OSBPL1A: variants seen among roughly 807,000 people sequenced by gnomAD.
OSBPL1A encodes the protein oxysterol-binding protein-related protein 1.
A neutral mutation model predicts 137.1 loss-of-function variants in OSBPL1A; 80 were observed. The ratio of observed to expected loss-of-function variants is 0.58; its 90% CI spans 0.49 to 0.70. The LOEUF (loss-of-function observed/expected upper bound fraction) is 0.70, where lower values mean the gene tolerates loss of function less well. OSBPL1A is among the 30% of genes least tolerant of loss of function. The pLI is 0.00. For missense variants in OSBPL1A, 970 were observed against 1,129.4 expected (o/e 0.86, Z 2.02); for synonymous variants, 365 against 389.7 (o/e 0.94, Z 0.75).
chr18:24,331,545 C>T lies in OSBPL1A; in HGVS notation c.625+1397G>A, dbSNP rs576269376. Among the ~76,000 whole-genome samples, 817 of 150,594 alleles carry T rather than the reference C, an allele frequency of 5.4e-3. 6 individuals carry two copies. Among genetic ancestry groups the T allele is most frequent in the Non-Finnish European group, 8.0e-3 (539 of 67,468 alleles). On this transcript the variant is annotated intron_variant, in intron 7 of 27. Coordinates refer to ENST00000319481, the MANE Select transcript of OSBPL1A (RefSeq NM_080597.4). Reference sequence around the variant, plus strand: ...CCGAGTAGCTGGGACTACAGGCGCCCGCCACCACGCCCGGCTAATTTTTTG... The same window carrying T: ...CCGAGTAGCTGGGACTACAGGCGCCTGCCACCACGCCCGGCTAATTTTTTG...
chr18:24,259,943 G>C, intron 15 of OSBPL1A, among the ~76,000 whole-genome samples: 1 of 152,264 alleles, frequency 6.6e-6, no homozygotes, highest in East Asian at 1.9e-4. Flanking sequence ...CAAGGGTCTA[G>C]TATCTACAAT....
chr18:24,226,785 G>A (rs762479245), intron 16 of OSBPL1A, among the ~76,000 whole-genome samples: 8 of 152,036 alleles, frequency 5.3e-5, no homozygotes, highest in Non-Finnish European at 8.8e-5. Context: ...CTGCAGAAAG[G>A]CTTTTAATGT....
intron 14 of OSBPL1A, among the ~76,000 whole-genome samples, chr18:24,283,327 GACACAC>G: frequency 1.0e-5 from 1 of 99,996 alleles, no homozygotes; most frequent in East Asian, 2.4e-4. Flanking sequence ...CACACACACA[GACACAC>G]ACACACACAC....
intron 13 of OSBPL1A, chr18:24,311,402 G>A (rs915272298): frequency 1.1e-6 from 1 of 895,956 alleles, no homozygotes; most frequent in Non-Finnish European, 1.3e-6. Flanking sequence ...GAAATAAAAG[G>A]TACAGCCAGA....
chr18:24,268,951 CTACCT>C (rs1409932561), intron 15 of OSBPL1A, among the ~76,000 whole-genome samples: 1 of 152,192 alleles, frequency 6.6e-6, no homozygotes, highest in Non-Finnish European at 1.5e-5. Flanking sequence ...CCTCAATTCC[CTACCT>C]TAATCACCTC....
At chr18:24,328,962 A>T (rs1012912325) in intron 7 of OSBPL1A, among the ~76,000 whole-genome samples, 1 of 152,226 alleles carries the variant, frequency 6.6e-6, no homozygotes, top group East Asian at 1.9e-4. Context: ...CTAGAAATTT[A>T]AAATTACATA....
rs140945077 is a variant in OSBPL1A at position 24,183,091 on chromosome 18, G to A, written c.1678-1812C>T. On this transcript the variant is annotated intron_variant, in intron 18 of 27. Transcript: ENST00000319481. ...TCACCATGTTGGTCAGGCTGGTCTCGAACTCCTGACCTCAAGGGATCCGAT... is the reference window on the plus strand; with the variant it reads ...TCACCATGTTGGTCAGGCTGGTCTCAAACTCCTGACCTCAAGGGATCCGAT... Among the ~76,000 whole-genome samples the A allele has an allele frequency of 4.7e-3, 715 of 151,910 alleles. 8 individuals carry two copies. The highest frequency in any genetic ancestry group is 0.015 in the African/African-American group (632 of 41,438).
chr18:24,173,148 C>T (rs990548438), intron 21 of OSBPL1A, among the ~76,000 whole-genome samples: 54 of 152,104 alleles, frequency 3.6e-4, no homozygotes, highest in African/African-American at 1.3e-3. Context: ...AACGCAGGAA[C>T]AGAAAACCAA....
intron 4 of OSBPL1A, among the ~76,000 whole-genome samples, chr18:24,362,240 A>C (rs2146187969): frequency 6.6e-6 from 1 of 151,776 alleles, no homozygotes; most frequent in Non-Finnish European, 1.5e-5. Context: ...AATGAGCAAG[A>C]CCATAAAAAA....
intron 24 of OSBPL1A, among the ~76,000 whole-genome samples, chr18:24,168,954 T>C (rs2086207659): frequency 6.6e-6 from 1 of 152,228 alleles, no homozygotes; most frequent in Non-Finnish European, 1.5e-5. Flanking sequence ...GGCAAGCATG[T>C]TGGGGAGATC....
At chr18:24,294,110 T>A (rs1396856285) in intron 14 of OSBPL1A, among the ~76,000 whole-genome samples, 2 of 152,256 alleles carry the variant, frequency 1.3e-5, no homozygotes, top group Admixed American at 6.5e-5. Flanking sequence ...TTCAATAGTT[T>A]TGGGGGAATA....
chr18:24,312,302 T>C (rs548498825), intron 12 of OSBPL1A, among the ~76,000 whole-genome samples, 196 bp from the exon 13 acceptor site: 1 of 152,356 alleles, frequency 6.6e-6, no homozygotes, highest in South Asian at 2.1e-4. Flanking sequence ...AAGCTTTTCC[T>C]AGTACTTTAA....
intron 18 of OSBPL1A, among the ~76,000 whole-genome samples, chr18:24,189,045 GA>G (rs566643855): frequency 1.0e-3 from 155 of 152,280 alleles, no homozygotes; most frequent in African/African-American, 3.6e-3. Flanking sequence ...CAGGCAGCTG[GA>G]AAAGTTAAAC....
chr18:24,292,071 A>C lies in OSBPL1A; in HGVS notation c.1175-11123T>G, dbSNP rs2588557. Among the ~76,000 whole-genome samples the C allele has an allele frequency of 1.8e-3, 279 of 152,254 alleles. 1 individual carries two copies. The highest frequency in any genetic ancestry group is 6.4e-3 in the African/African-American group (265 of 41,552). On this transcript the variant is annotated intron_variant, in intron 14 of 27. Transcript: ENST00000319481. ...CTGTACTCCAGCCTGAGCAACAGCA[A>C]AACTCTGTCTCAAAAAGAAAAAAGA...
chr18:24,375,958 C>A (rs1233177974), intron 2 of OSBPL1A, among the ~76,000 whole-genome samples: 1 of 152,134 alleles, frequency 6.6e-6, no homozygotes, highest in Non-Finnish European at 1.5e-5. Flanking sequence ...GTTTGTTCCT[C>A]CCGGTGGGCT....
chr18:24,176,319 CTGAGG>C (rs2086445274), intron 21 of OSBPL1A, among the ~76,000 whole-genome samples: 1 of 152,184 alleles, frequency 6.6e-6, no homozygotes, highest in South Asian at 2.1e-4. Flanking sequence ...CTCTGCATTA[CTGAGG>C]TAATTCTTGA....
At chr18:24,377,135 C>T (rs2015563) in intron 2 of OSBPL1A, among the ~76,000 whole-genome samples, 45,405 of 152,180 alleles carry the variant, frequency 0.3, 7,885 homozygotes, top group East Asian at 0.72. Context: ...ACTGCCAGCA[C>T]GCTGTCACCT....
intron 4 of OSBPL1A, 49 bp downstream of exon 4, chr18:24,366,843 C>A: frequency 6.5e-7 from 1 of 1,547,332 alleles, no homozygotes; most frequent in Non-Finnish European, 8.8e-7. Context: ...ATGGTAACTA[C>A]TCCTCCAAAT....
rs2090855579 is a variant in OSBPL1A at position 24,321,455 on chromosome 18, C to T, written c.626-2646G>A. ...GGAACTGCAGTCATGTGTCATCACA[C>T]CTGGCTAATTTTTGTATTTTTTTGT... is the stretch of plus-strand genomic sequence containing the variant. On this transcript the variant is annotated intron_variant, in intron 7 of 27. Coordinates refer to ENST00000319481, the MANE Select transcript of OSBPL1A (RefSeq NM_080597.4). Among the ~76,000 whole-genome samples, 3 of 152,180 alleles carry T rather than the reference C, an allele frequency of 2.0e-5. No individual in the cohort carries two copies. The South Asian group carries it at 6.2e-4, about 32-fold the overall frequency.
Sources: gnomAD v4.1 joint callset for allele counts (sites outside exome capture counted in the v4.1 genomes callset) on GRCh38, gnomAD v4.1.1 for gene constraint, MANE v1.5 for transcripts, NCBI Gene and HGNC (gene_info 2026-07-23, HGNC 2026-07-21) for gene names.